The following WWOX variants were observed in gnomAD, a reference collection of about 807,000 sequenced individuals.
WWOX encodes the protein WW domain-containing oxidoreductase.
WWOX carries 69 observed loss-of-function variants against 46.2 expected under a neutral mutation model. The observed-to-expected ratio is 1.49, with a 90% CI of 1.23 to 1.82. The LOEUF is 1.82. Ranked by LOEUF, WWOX falls within the 40% of genes most tolerant of loss-of-function variation. WWOX has a pLI of 0.00. For synonymous variants in WWOX, 359 were observed against 202.6 expected (o/e 1.77, Z -6.56); for missense variants, 919 against 542.6 (o/e 1.69, Z -6.89).
intron 8 of WWOX, among the ~76,000 whole-genome samples, chr16:79,082,293 A>G (rs2048774909): frequency 6.6e-6 from 1 of 152,120 alleles, no homozygotes; most frequent in African/African-American, 2.4e-5. Flanking sequence ...TTGATTTGAG[A>G]CCCGTTTCTG....
intron 8 of WWOX, among the ~76,000 whole-genome samples, chr16:79,167,831 A>G (rs1027648540): frequency 6.6e-6 from 1 of 152,138 alleles, no homozygotes; most frequent in African/African-American, 2.4e-5. Context: ...TGCCACCGTC[A>G]CCTCTTTTTA....
intron 8 of WWOX, among the ~76,000 whole-genome samples, chr16:78,448,878 C>T (rs896322728): frequency 6.6e-6 from 1 of 152,090 alleles, no homozygotes. Context: ...GGCTGTTTAG[C>T]ATGGAAATAG....
At chr16:78,429,591 A>G (rs2083170089) in intron 7 of WWOX, among the ~76,000 whole-genome samples, 1 of 151,844 alleles carries the variant, frequency 6.6e-6, no homozygotes, top group African/African-American at 2.4e-5. Context: ...CCTTTCAGAT[A>G]CTCTCTAAAT....
At chr16:78,992,414 C>T (rs951226003) in intron 8 of WWOX, among the ~76,000 whole-genome samples, 1 of 152,122 alleles carries the variant, frequency 6.6e-6, no homozygotes, top group Non-Finnish European at 1.5e-5. Flanking sequence ...TTGCAGTGAA[C>T]CCAGATTGCG....
intron 8 of WWOX, among the ~76,000 whole-genome samples, chr16:79,157,470 G>C (rs1012825272): frequency 2.6e-5 from 4 of 151,898 alleles, no homozygotes; most frequent in Non-Finnish European, 5.9e-5. Flanking sequence ...TTCTTTGCAG[G>C]GTTGTGTAAA....
rs1180754483 is a variant in WWOX, at chr16:78,111,242, TG to T, written c.230+1408del. Among the ~76,000 whole-genome samples the T allele has an allele frequency of 5.3e-5, 8 of 152,314 alleles. No homozygotes were observed. In the South Asian group the frequency reaches 8.3e-4, roughly 16 times the overall value. On this transcript the variant is annotated intron_variant, in intron 3 of 8. Coordinates refer to ENST00000566780, the MANE Select transcript of WWOX (RefSeq NM_016373.4). ...GAGGCAAGAGACTGAAGGCACAAAC[TG>T]TTTCAGTATAATAAAGAAAGTAGTT...
intron 8 of WWOX, among the ~76,000 whole-genome samples, chr16:78,887,166 A>G (rs4887991): frequency 0.27 from 39,137 of 145,304 alleles, 5,723 homozygotes; most frequent in Middle Eastern, 0.46. Flanking sequence ...TTTGGGAACT[A>G]TTTTCTCCCG....
intron 8 of WWOX, among the ~76,000 whole-genome samples, chr16:79,071,449 G>A (rs2048549473): frequency 6.6e-6 from 1 of 152,176 alleles, no homozygotes; most frequent in South Asian, 2.1e-4. Flanking sequence ...TTACCCAAGA[G>A]AGTTCACCAA....
chr16:78,601,020 C>G (rs903422223), intron 8 of WWOX, among the ~76,000 whole-genome samples: 1 of 152,142 alleles, frequency 6.6e-6, no homozygotes, highest in Non-Finnish European at 1.5e-5. Context: ...TGCCTGCACC[C>G]TCAACCTCGT....
intron 8 of WWOX, among the ~76,000 whole-genome samples, chr16:78,668,819 C>T (rs1567477182): frequency 1.3e-5 from 2 of 152,116 alleles, no homozygotes; most frequent in Non-Finnish European, 2.9e-5. Context: ...ACATGGGCAC[C>T]TTCAGAGCGT....
At chr16:78,853,513 T>C (rs1226109233) in intron 8 of WWOX, among the ~76,000 whole-genome samples, 6 of 152,222 alleles carry the variant, frequency 3.9e-5, no homozygotes, top group African/African-American at 1.4e-4. Context: ...AAACATTCCA[T>C]AACCCGGTGT....
chr16:78,661,310 C>A (rs1269795190), intron 8 of WWOX, among the ~76,000 whole-genome samples: 2 of 152,126 alleles, frequency 1.3e-5, no homozygotes, highest in African/African-American at 4.8e-5. Context: ...AATCAGCACG[C>A]CATTTTTTAA....
intron 8 of WWOX, among the ~76,000 whole-genome samples, chr16:79,169,782 C>G (rs997383200): frequency 6.6e-6 from 1 of 152,316 alleles, no homozygotes; most frequent in South Asian, 2.1e-4. Flanking sequence ...ACTCTAGGGA[C>G]TACCCTTTTC....
At chr16:78,121,605 T>C (rs80161290) in intron 4 of WWOX, among the ~76,000 whole-genome samples, 2,574 of 152,214 alleles carry the variant, frequency 0.017, 90 homozygotes, top group African/African-American at 0.06. Context: ...ATGTTATATA[T>C]ATTTTTAAAA....
chr16:78,552,505 G>T (rs2044197915), intron 8 of WWOX: 1 of 152,254 alleles, frequency 6.6e-6, no homozygotes, highest in Admixed American at 6.5e-5. Flanking sequence ...CTGGTTTTCT[G>T]AGTGAGGGAG....
chr16:78,558,851 C>T (rs1029157182), intron 8 of WWOX, among the ~76,000 whole-genome samples: 3 of 152,192 alleles, frequency 2.0e-5, no homozygotes, highest in African/African-American at 7.2e-5. Flanking sequence ...ATCCTAGACC[C>T]CTTCTCTCTA....
chr16:78,401,768 TG>T (rs1241564670), intron 6 of WWOX, among the ~76,000 whole-genome samples: 6 of 152,080 alleles, frequency 3.9e-5, no homozygotes, highest in African/African-American at 1.2e-4. Context: ...GGTGTGATCT[TG>T]GCTCACTGCA....
Position 78,497,983 on chromosome 16 carries a change from A to G in WWOX, c.1056+65231A>G, listed in dbSNP as rs927573646. On this transcript the variant is annotated intron_variant, in intron 8 of 8. Coordinates refer to ENST00000566780, the MANE Select transcript of WWOX (RefSeq NM_016373.4). ...TTTGGGAGGCCGAGGTGGGCGGATC[A>G]CAAGATCGGGAGATCGAGACCATCC... is the stretch of plus-strand genomic sequence containing the variant. Among the ~76,000 whole-genome samples, 15 of 152,200 alleles carry G rather than the reference A, an allele frequency of 9.9e-5. 1 individual carries two copies. Among genetic ancestry groups the G allele is most frequent in the Admixed American group, 2.0e-4 (3 of 15,276 alleles).
chr16:78,511,368 T>C (rs2085356617), intron 8 of WWOX, among the ~76,000 whole-genome samples: 1 of 152,130 alleles, frequency 6.6e-6, no homozygotes, highest in Admixed American at 6.6e-5. Context: ...TTGAGAACTC[T>C]GAAATAATGC....
Sources: allele counts gnomAD v4.1 joint callset (sites outside exome capture counted in the v4.1 genomes callset), GRCh38; gene constraint gnomAD v4.1.1; transcripts MANE v1.5; gene names NCBI Gene and HGNC (gene_info 2026-07-23, HGNC 2026-07-21).